Variants in DOCK9 observed in about 807,000 individuals in gnomAD.
DOCK9 encodes dedicator of cytokinesis protein 9.
In DOCK9, 89 loss-of-function variants were observed where a neutral mutation model predicts 263.3. The ratio of observed to expected loss-of-function variants is 0.34; its 90% CI spans 0.28 to 0.40. The LOEUF (loss-of-function observed/expected upper bound fraction) is 0.40. DOCK9 is among the 10% of genes least tolerant of loss of function. DOCK9 has a pLI of 1.00. For synonymous variants in DOCK9, 976 were observed against 973.1 expected (o/e 1.00, Z -0.06); for missense variants, 2,140 against 2,603.4 (o/e 0.82, Z 3.87).
intron 15 of DOCK9, among the ~76,000 whole-genome samples, chr13:98,890,262 A>C (rs550232280): frequency 2.0e-5 from 3 of 152,264 alleles, no homozygotes; most frequent in African/African-American, 7.2e-5. Flanking sequence ...GCTCCTTCCC[A>C]AGTCTCTGGA....
In DOCK9 at chr13:98,895,485, T is replaced by C. The variant is rs567991716; in HGVS notation, c.1709+2003A>G. ...TTTGAGATCAGCCTGGCCAATATGG[T>C]GAAACCCCATCTCTACTAAAAATAC... On this transcript the variant is annotated intron_variant, in intron 15 of 52. Coordinates refer to ENST00000682017, the MANE Select transcript of DOCK9 (RefSeq NM_001366683.2). Among the ~76,000 whole-genome samples, 318 of 152,092 alleles carry C rather than the reference T, an allele frequency of 2.1e-3. 2 individuals carry two copies. The highest frequency in any genetic ancestry group is 3.4e-3 in the Middle Eastern group (1 of 294).
chr13:99,027,670 T>C (rs1886910066), intron 1 of DOCK9, among the ~76,000 whole-genome samples: 2 of 152,374 alleles, frequency 1.3e-5, no homozygotes, highest in African/African-American at 4.8e-5. Context: ...AATTACAACC[T>C]GTGTCACACA....
chr13:99,085,231 C>A (rs2042282180), intron 1 of DOCK9, among the ~76,000 whole-genome samples: 1 of 152,216 alleles, frequency 6.6e-6, no homozygotes, highest in South Asian at 2.1e-4. Flanking sequence ...AGGGCCCAGA[C>A]AACCACTTCC....
At chr13:98,919,770 T>C (rs2051583901) in intron 7 of DOCK9, among the ~76,000 whole-genome samples, 1 of 152,354 alleles carries the variant, frequency 6.6e-6, no homozygotes. Context: ...GCACTGTGAA[T>C]TGCGTGACTA....
At chr13:98,913,210 A>T (rs1156738793) in intron 9 of DOCK9, among the ~76,000 whole-genome samples, 1 of 152,216 alleles carries the variant, frequency 6.6e-6, no homozygotes, top group Admixed American at 6.6e-5. Context: ...ATAATCCTAT[A>T]TAGATAAACC....
At chr13:98,982,367 C>G (rs369018365), upstream of DOCK9, among the ~76,000 whole-genome samples, 248 of 152,324 alleles carry the variant, frequency 1.6e-3, 9 homozygotes, top group South Asian at 0.048. Flanking sequence ...GTAGAGGGAA[C>G]TGCTACCCAT....
chr13:98,943,262 G>A (rs1449985125), intron 2 of DOCK9, among the ~76,000 whole-genome samples: 1 of 152,160 alleles, frequency 6.6e-6, no homozygotes, highest in Non-Finnish European at 1.5e-5. Flanking sequence ...TGACATCAGG[G>A]GACTTTGATA....
intron 38 of DOCK9, among the ~76,000 whole-genome samples, chr13:98,840,151 T>C (rs572363266): frequency 6.6e-6 from 1 of 152,316 alleles, no homozygotes; most frequent in Non-Finnish European, 1.5e-5. Flanking sequence ...CACCATGGTA[T>C]AGACCAACAC....
intron 2 of DOCK9, among the ~76,000 whole-genome samples, chr13:98,947,506 A>ATTT (rs35004750): frequency 0.038 from 4,701 of 123,732 alleles, 188 homozygotes; most frequent in African/African-American, 0.047. Flanking sequence ...TCTATTCAGA[A>ATTT]TTTTTTTTTT....
At chr13:98,888,284 T>G in intron 17 of DOCK9, 61 bp from the exon 18 acceptor site, 1 of 1,602,622 alleles carries the variant, frequency 6.2e-7, no homozygotes, top group Non-Finnish European at 8.5e-7. Flanking sequence ...ATGTAAGTAT[T>G]TATAAAAGAA....
rs2092556545 is a variant in DOCK9 at position 98,826,734 on chromosome 13, C to T, written c.5023+96G>A. 8.1e-6 allele frequency: 8 copies of T among 983,876 alleles called. No homozygotes were observed. In the East Asian group the frequency reaches 2.1e-4, roughly 26 times the overall value. The allele number at this position is 983,876 out of a possible 1,614,324, so 60.9% of individuals were successfully genotyped here. ...AATACACTTCACAAACACACAAATC[C>T]CCACCTTCCAATCTTCCTGAATGGC... is the stretch of plus-strand genomic sequence containing the variant. On this transcript the variant is annotated intron_variant, in intron 44 of 52. Transcript: ENST00000682017.
chr13:98,947,715 A>C (rs2140790687), intron 2 of DOCK9, among the ~76,000 whole-genome samples: 1 of 152,278 alleles, frequency 6.6e-6, no homozygotes, highest in South Asian at 2.1e-4. Flanking sequence ...CATGTTGGCC[A>C]GGCTGGTCTC....
chr13:98,938,287 G>T (rs2055237779), intron 2 of DOCK9, among the ~76,000 whole-genome samples: 1 of 152,236 alleles, frequency 6.6e-6, no homozygotes. Flanking sequence ...TGAGTTGAGA[G>T]CCAGGAAACC....
intron 2 of DOCK9, among the ~76,000 whole-genome samples, chr13:98,936,784 A>G (rs1161356973): frequency 6.6e-6 from 1 of 152,232 alleles, no homozygotes; most frequent in Non-Finnish European, 1.5e-5. Context: ...AGGGAAGACT[A>G]TAGCATGAGT....
At chr13:99,061,406 T>C (rs911030839) in intron 1 of DOCK9, among the ~76,000 whole-genome samples, 6 of 152,204 alleles carry the variant, frequency 3.9e-5, no homozygotes, top group Non-Finnish European at 8.8e-5. Flanking sequence ...CTGATAGAAA[T>C]CTGCCTGTCT....
intron 31 of DOCK9, 103 bp from the exon 32 acceptor site, chr13:98,863,235 A>G (rs907192318): frequency 2.7e-6 from 4 of 1,484,936 alleles, no homozygotes; most frequent in South Asian, 1.2e-5. Flanking sequence ...ATAAAGACAG[A>G]TATTTGATTT....
At chr13:98,845,531 C>T (rs1282777066) in intron 38 of DOCK9, among the ~76,000 whole-genome samples, 1 of 152,190 alleles carries the variant, frequency 6.6e-6, no homozygotes, top group Non-Finnish European at 1.5e-5. Flanking sequence ...TGCACAGGAT[C>T]AGAAGGGGTG....
intron 1 of DOCK9, among the ~76,000 whole-genome samples, chr13:99,036,489 A>G (rs1887894363): frequency 6.6e-6 from 1 of 152,190 alleles, no homozygotes; most frequent in Admixed American, 6.5e-5. Context: ...TCTGGCCTCC[A>G]GAACTGTGAG....
intron 1 of DOCK9, among the ~76,000 whole-genome samples, chr13:99,069,622 T>C (rs934477754): frequency 1.3e-5 from 2 of 152,370 alleles, no homozygotes; most frequent in African/African-American, 4.8e-5. Context: ...GGTTTATCCA[T>C]GGCTGATCTC....
Sources: allele counts gnomAD v4.1 joint callset (sites outside exome capture counted in the v4.1 genomes callset), GRCh38; gene constraint gnomAD v4.1.1; transcripts MANE v1.5; gene names NCBI Gene and HGNC (gene_info 2026-07-23, HGNC 2026-07-21).